GOLGA3: variants seen among roughly 807,000 people sequenced by gnomAD.
GOLGA3 encodes golgin subfamily A member 3.
In GOLGA3, 75 loss-of-function variants were observed where a neutral mutation model predicts 169.4. The observed-to-expected ratio is 0.44, with a 90% CI of 0.37 to 0.54. The LOEUF (loss-of-function observed/expected upper bound fraction) is 0.54. Ranked by LOEUF, GOLGA3 falls within the 20% of genes least tolerant of loss-of-function variation. GOLGA3 has a pLI of 0.00. For missense variants in GOLGA3, 1,899 were observed against 1,930.0 expected, an observed-to-expected ratio of 0.98 and a Z score of 0.30; for synonymous variants, 824 against 822.4, an observed-to-expected ratio of 1.00 and a Z score of -0.03.
Position 132,769,848 on chromosome 12 carries a change from A to G in GOLGA3, c.*3257T>C, listed in dbSNP as rs1404514252. ...CTGCCCACAAGAACAAAATAATTCA[A>G]ACTTTATGCACTGAAGTAACTCTGG... On this transcript the variant is annotated 3_prime_UTR_variant, in exon 24 of 24. Coordinates refer to ENST00000450791, the MANE Select transcript of GOLGA3 (RefSeq NM_001389683.1). The G allele has an allele frequency of 2.0e-5, 3 of 152,200 alleles. No homozygotes were observed. The highest frequency in any genetic ancestry group is 7.2e-5 in the African/African-American group (3 of 41,430). The allele number at this position is 152,200 out of a possible 1,614,324, so 9.4% of individuals were successfully genotyped here. A position where few individuals can be genotyped will look rare whatever the true frequency, so the allele number is the denominator to read the frequency against.
chr12:132,812,002 CAAAAAA>C (rs71076477), intron 4 of GOLGA3, among the ~76,000 whole-genome samples: 1 of 39,900 alleles, frequency 2.5e-5, no homozygotes, highest in African/African-American at 1.1e-4. Flanking sequence ...CTCCGTCTCT[CAAAAAA>C]AAAAAAAAAA....
intron 13 of GOLGA3, among the ~76,000 whole-genome samples, chr12:132,788,587 C>T (rs891550580): frequency 3.3e-5 from 5 of 152,206 alleles, no homozygotes; most frequent in Non-Finnish European, 5.9e-5. Context: ...GTCCCAGCTC[C>T]GCACTCAGCC....
rs1303435752 is a variant in GOLGA3, at chr12:132,808,337, C to A, written c.732G>T (p.Arg244=). ...EKKTSKSSKI[R]SLADYRTEDS... is the part of the protein sequence containing the mutation. ...CTTCAGTTCTGTAATCGGCCAGAGA[C>A]CGGATTTTGCTTGATTTGGAAGTTT... The change falls in exon 5 of 24, where the codon CGG becomes CGT. Residue 244 remains arginine, a synonymous_variant. Coordinates refer to ENST00000450791, the MANE Select transcript of GOLGA3 (RefSeq NM_001389683.1). The A allele has an allele frequency of 9.9e-6, 16 of 1,614,000 alleles. No homozygotes were observed. Among genetic ancestry groups the A allele is most frequent in the Middle Eastern group, 1.6e-4 (1 of 6,084 alleles).
intron 16 of GOLGA3, among the ~76,000 whole-genome samples, chr12:132,783,412 G>T (rs1338064976): frequency 1.9e-5 from 2 of 105,202 alleles, no homozygotes; most frequent in Non-Finnish European, 4.2e-5. Context: ...ACTCAGCAGG[G>T]TGGGCATGAG....
intron 4 of GOLGA3, among the ~76,000 whole-genome samples, chr12:132,812,096 G>A (rs533733431): frequency 2.6e-5 from 4 of 151,268 alleles, no homozygotes; most frequent in Middle Eastern, 3.4e-3. Context: ...GCTGAGGCTG[G>A]AGAATTGCTT....
chr12:132,798,317 C>T, intron 9 of GOLGA3, 23 bp downstream of exon 9: 3 of 1,590,152 alleles, frequency 1.9e-6, no homozygotes, highest in South Asian at 1.1e-5. Flanking sequence ...CCTAAGCTTC[C>T]ACGGCCCCGG....
rs2045553378 is a variant in GOLGA3 at position 132,780,744 on chromosome 12, C to G, written c.3582+54G>C. Reference sequence around the variant, plus strand: ...TGTGTGAAGGACCCTGCATAGATTTCTAGGCACTGGAGCGTCCTCTGGAAC... The same window carrying G: ...TGTGTGAAGGACCCTGCATAGATTTGTAGGCACTGGAGCGTCCTCTGGAAC... On this transcript the variant is annotated intron_variant, in intron 18 of 23. Coordinates refer to ENST00000450791, the MANE Select transcript of GOLGA3 (RefSeq NM_001389683.1). 2.8e-6 allele frequency: 3 copies of G among 1,087,600 alleles called. No individual in the cohort carries two copies. The African/African-American group carries it at 4.6e-5, about 17-fold the overall frequency. 67.4% of individuals were successfully genotyped at this position (1,087,600 alleles called of 1,614,324 possible). A position where few individuals can be genotyped will look rare whatever the true frequency, so the allele number is the denominator to read the frequency against.
chr12:132,824,798 A>G (rs1387465102), intron 1 of GOLGA3, among the ~76,000 whole-genome samples: 1 of 152,220 alleles, frequency 6.6e-6, no homozygotes, highest in Non-Finnish European at 1.5e-5. Flanking sequence ...CCTTACACAC[A>G]GCACAGAACC....
chr12:132,791,286 T>C lies in GOLGA3; in HGVS notation c.2477A>G (p.His826Arg). 6.3e-7 allele frequency: 1 copy of C among 1,593,508 alleles called. No individual in the cohort carries two copies. Among genetic ancestry groups the C allele is most frequent in the Non-Finnish European group, 8.6e-7 (1 of 1,163,318 alleles). The stretch of plus-strand genomic sequence containing the variant: ...CAGAGCAGCAGTCTCCTGCTGCAGG[T>C]GTTCCACCTGTGGGAGACATGTGCA... ...ELAIKSGQVE[H>R]LQQETAALKK... The change falls in exon 12 of 24, where the codon CAC becomes CGC. Residue 826 changes from histidine to arginine, a missense_variant. By Grantham distance (29) the His-to-Arg change is conservative (BLOSUM62 0). Transcript: ENST00000450791.
intron 13 of GOLGA3, 75 bp downstream of exon 13, chr12:132,788,952 C>CACAGGCCCCGCCCCAGAA: frequency 1.7e-5 from 18 of 1,046,796 alleles, no homozygotes; most frequent in Middle Eastern, 2.3e-4. Flanking sequence ...CCGCCCCAGA[C>CACAGGCCCCGCCCCAGAA]ACAGGCCCCA....
chr12:132,806,689 T>C (rs117807316), intron 6 of GOLGA3, among the ~76,000 whole-genome samples: 1 of 152,232 alleles, frequency 6.6e-6, no homozygotes, highest in Non-Finnish European at 1.5e-5. Context: ...AGAAGATAAA[T>C]ACCTAGCTCT....
chr12:132,828,673 C>A, intron 1 of GOLGA3, 130 bp downstream of exon 1: 1 of 93,058 alleles, frequency 1.1e-5, no homozygotes, highest in South Asian at 3.4e-4. Flanking sequence ...ACGGGGCCGT[C>A]CCGCCACGCT....
chr12:132,809,596 T>A (rs992913887), intron 4 of GOLGA3, among the ~76,000 whole-genome samples: 1 of 152,234 alleles, frequency 6.6e-6, no homozygotes, highest in African/African-American at 2.4e-5. Flanking sequence ...TGGCCCTGTC[T>A]GGGCATAACA....
intron 1 of GOLGA3, among the ~76,000 whole-genome samples, chr12:132,822,607 C>G (rs1433318218): frequency 6.6e-6 from 1 of 152,198 alleles, no homozygotes. Flanking sequence ...CACAGGGCAA[C>G]TGAGCTTTAA....
chr12:132,826,436 A>G (rs894425861), intron 1 of GOLGA3, among the ~76,000 whole-genome samples: 3 of 151,840 alleles, frequency 2.0e-5, no homozygotes, highest in African/African-American at 4.8e-5. Flanking sequence ...TGGGCCTTAC[A>G]CTGACCAAGA....
chr12:132,799,406 G>A (rs894937547), intron 8 of GOLGA3, among the ~76,000 whole-genome samples: 4 of 152,182 alleles, frequency 2.6e-5, no homozygotes, highest in African/African-American at 9.7e-5. Context: ...ATCCCAGCAC[G>A]CTGGGAGGAT....
At chr12:132,823,307 T>C (rs980984942) in intron 1 of GOLGA3, among the ~76,000 whole-genome samples, 30 of 152,270 alleles carry the variant, frequency 2.0e-4, no homozygotes, top group African/African-American at 6.8e-4. Context: ...ATTAACTCAT[T>C]TCCTTATCAA....
At chr12:132,781,594 A>G (rs560654604) in intron 17 of GOLGA3, among the ~76,000 whole-genome samples, 38 of 152,244 alleles carry the variant, frequency 2.5e-4, no homozygotes, top group African/African-American at 8.4e-4. Flanking sequence ...GTGGCTGGGA[A>G]CTCAAAAACT....
intron 16 of GOLGA3, chr12:132,783,819 G>A (rs1271223245): frequency 1.1e-5 from 11 of 1,034,764 alleles, no homozygotes; most frequent in Admixed American, 3.4e-5. Context: ...CTCATGATCC[G>A]CCCACCTCAG....
Sources: gnomAD v4.1 joint callset for allele counts (sites outside exome capture counted in the v4.1 genomes callset) on GRCh38, gnomAD v4.1.1 for gene constraint, MANE v1.5 for transcripts, NCBI Gene and HGNC (gene_info 2026-07-23, HGNC 2026-07-21) for gene names.